Variants in LIFR observed in about 807,000 individuals in gnomAD.
LIFR encodes the protein LIF receptor subunit alpha.
Under a neutral mutation model 122.2 loss-of-function variants are expected in LIFR, and 84 were observed. The observed-to-expected ratio is 0.69, with a 90% CI of 0.58 to 0.82. LIFR has a LOEUF of 0.82. LIFR is among the 40% of genes least tolerant of loss of function. The pLI, the probability that LIFR is intolerant of heterozygous loss-of-function variation, is 0.00. For synonymous variants in LIFR, 422 were observed against 434.7 expected, an observed-to-expected ratio of 0.97 and a Z score of 0.36; for missense variants, 1,294 against 1,311.6, an observed-to-expected ratio of 0.99 and a Z score of 0.21.
intron 12 of LIFR, 68 bp from the exon 13 acceptor site, chr5:38,496,663 G>T: frequency 1.8e-6 from 2 of 1,124,168 alleles, no homozygotes; most frequent in Middle Eastern, 2.6e-4. Context: ...AGGTAATTGG[G>T]TTTAAACTGG....
At chr5:38,557,537 T>C (rs1748652627), upstream of LIFR, 1 of 154,930 alleles carries the variant, frequency 6.5e-6, no homozygotes, top group Non-Finnish European at 1.5e-5. Flanking sequence ...TGGCACGCAG[T>C]CAGGACTCTA....
chr5:38,509,833 G>A (rs1745699754), intron 7 of LIFR, among the ~76,000 whole-genome samples: 1 of 152,176 alleles, frequency 6.6e-6, no homozygotes, highest in Non-Finnish European at 1.5e-5. Flanking sequence ...CAAGCCACAT[G>A]GGCAGGGCAG....
At chr5:38,592,564 C>A (rs144169508) in intron 1 of LIFR, among the ~76,000 whole-genome samples, 1,989 of 147,882 alleles carry the variant, frequency 0.013, 29 homozygotes, top group African/African-American at 0.046. Flanking sequence ...GGCTGAGGCA[C>A]AAGAAATGCT....
intron 5 of LIFR, among the ~76,000 whole-genome samples, chr5:38,517,087 A>G (rs959920941): frequency 2.0e-5 from 3 of 152,160 alleles, no homozygotes; most frequent in Non-Finnish European, 4.4e-5. Context: ...GGATAGCATT[A>G]GGAGAAATAC....
chr5:38,515,308 A>G (rs1352639514), intron 5 of LIFR, among the ~76,000 whole-genome samples: 1 of 152,108 alleles, frequency 6.6e-6, no homozygotes, highest in Non-Finnish European at 1.5e-5. Context: ...TTCTGTGAAT[A>G]AGGTTGGGAA....
At position 38,506,655 on chromosome 5, in the gene LIFR, A is replaced by T. The variant is rs1182766579; in HGVS notation, c.992-23T>A. The T allele has an allele frequency of 3.1e-6, 5 of 1,592,756 alleles. No individual in the cohort carries two copies. The South Asian group carries it at 4.4e-5, about 14-fold the overall frequency. The stretch of plus-strand genomic sequence containing the variant: ...GATCTAACAGAAAAAAAATGCAGGT[A>T]CTTATGATTACATATATTTTCCCTG... On this transcript the variant is annotated intron_variant, in intron 7 of 19. Coordinates refer to ENST00000453190, the MANE Select transcript of LIFR (RefSeq NM_001127671.2).
upstream of LIFR, among the ~76,000 whole-genome samples, chr5:38,596,972 G>A (rs568815944): frequency 2.0e-5 from 3 of 152,200 alleles, no homozygotes; most frequent in Non-Finnish European, 4.4e-5. Context: ...TTCAGAAGGT[G>A]TTATTTTGGG....
exon 1 of LIFR, chr5:38,608,340 A>T (rs1301666035): frequency 6.6e-6 from 1 of 152,204 alleles, no homozygotes; most frequent in Non-Finnish European, 1.5e-5. Context: ...CTTAAAAAAA[A>T]AAGTACACAA....
In LIFR at chr5:38,543,884, G is replaced by C. The variant is rs532676065; in HGVS notation, c.-20+12450C>G. Reference sequence around the variant, plus strand: ...AGATATACGTACAACTTGTCACCTGGAAGTCTCATAGGTGTCTTGAACTAT... The same window carrying C: ...AGATATACGTACAACTTGTCACCTGCAAGTCTCATAGGTGTCTTGAACTAT... On this transcript the variant is annotated intron_variant, in intron 1 of 19. Coordinates refer to ENST00000453190, the MANE Select transcript of LIFR (RefSeq NM_001127671.2). Among the ~76,000 whole-genome samples the C allele has an allele frequency of 9.9e-5, 15 of 152,034 alleles. No homozygotes were observed. In the South Asian group the frequency reaches 3.1e-3, roughly 32 times the overall value.
At chr5:38,496,019 C>A (rs375160934) in intron 13 of LIFR, among the ~76,000 whole-genome samples, 9 of 151,630 alleles carry the variant, frequency 5.9e-5, no homozygotes, top group Admixed American at 2.6e-4. Flanking sequence ...AACAGCCTAG[C>A]TGACCTAAAA....
chr5:38,528,811 T>C lies in LIFR; in HGVS notation c.172A>G (p.Asn58Asp), dbSNP rs1274661204. 15 of 1,580,012 alleles carry C rather than the reference T, an allele frequency of 9.5e-6. No individual in the cohort carries two copies. Among genetic ancestry groups the C allele is most frequent in the Middle Eastern group, 1.7e-4 (1 of 6,028 alleles). Residue 58 changes from asparagine (N) to aspartate (D), a missense_variant, in exon 3 of 20, where the codon AAC (asparagine) becomes GAC (aspartate). Physicochemically the swap from Asn to Asp is conservative, Grantham distance 23. Transcript: ENST00000453190. The stretch of plus-strand genomic sequence containing the variant: ...GAACAGTTCCACACTTGCAAATTGT[T>C]AGTTACACACTTCAAATCATGAGGA... ...GAPHDLKCVTNNLQVWNCSWK... is the reference protein window; with the variant it reads ...GAPHDLKCVTDNLQVWNCSWK...
At chr5:38,594,836 T>C in intron 1 of LIFR, 1 of 193,428 alleles carries the variant, frequency 5.2e-6, no homozygotes, top group East Asian at 8.2e-5. Flanking sequence ...TACCTTCCTC[T>C]AGGTTTCCAC....
rs1433243079 is a variant in LIFR, at chr5:38,505,883, CATT to C, written c.1291+19_1291+21del. ...ACCACTTTTAAAGTTATTTTTAAGA[CATT>C]AGTTTATGTACAGCTTACCTTTTTC... On this transcript the variant is annotated intron_variant, in intron 9 of 19. Coordinates refer to ENST00000453190, the MANE Select transcript of LIFR (RefSeq NM_001127671.2). The C allele has an allele frequency of 7.3e-6, 11 of 1,516,370 alleles. No homozygotes were observed. The highest frequency in any genetic ancestry group is 9.0e-6 in the Non-Finnish European group (10 of 1,107,264). The allele number at this position is 1,516,370 out of a possible 1,614,324, so 93.9% of individuals were successfully genotyped here.
rs1743834978 is a variant in LIFR, at chr5:38,478,658, A to G, written c.*2937T>C. ...CACTCATAAAAGAAATGTAGTCATA[A>G]TAAGCCCCATAATGATCTCCATTCC... is the stretch of plus-strand genomic sequence containing the variant. On this transcript the variant is annotated 3_prime_UTR_variant, in exon 20 of 20. Transcript: ENST00000453190. 1 of 197,690 alleles carries G rather than the reference A, an allele frequency of 5.1e-6. No individual in the cohort carries two copies. Among genetic ancestry groups the G allele is most frequent in the Admixed American group, 6.1e-5 (1 of 16,520 alleles). The allele number at this position is 197,690 out of a possible 1,614,324, so 12.2% of individuals were successfully genotyped here.
chr5:38,602,179 T>C (rs1750234397), intron 2 of LIFR, among the ~76,000 whole-genome samples: 1 of 152,224 alleles, frequency 6.6e-6, no homozygotes, highest in South Asian at 2.1e-4. Context: ...TATACAATTT[T>C]CTTTAGAGTA....
At chr5:38,575,242 TAA>T (rs1047116779) in intron 1 of LIFR, among the ~76,000 whole-genome samples, 2 of 152,152 alleles carry the variant, frequency 1.3e-5, no homozygotes, top group African/African-American at 4.8e-5. Context: ...TTTACAGTAT[TAA>T]AAGTCAGGAA....
Position 38,481,654 on chromosome 5 carries a change from T to C in LIFR, c.3235A>G (p.Lys1079Glu). Residue 1079 changes from lysine (K) to glutamate (E), a missense_variant, in exon 20 of 20, where the codon AAA becomes GAA. Physicochemically the swap from Lys to Glu is moderately conservative, Grantham distance 56 (BLOSUM62 1). Transcript: ENST00000453190. ...AAGGACCACCCTCCTCCATTAGATTTAGGAGAGTCTTCATCTTTAGGAGGA... is the reference window on the plus strand; with the variant it reads ...AAGGACCACCCTCCTCCATTAGATTCAGGAGAGTCTTCATCTTTAGGAGGA... ...LIPPKDEDSP[K>E]SNGGGWSFTN... 6.2e-7 allele frequency: 1 copy of C among 1,613,924 alleles called. No homozygotes were observed. Among genetic ancestry groups the C allele is most frequent in the East Asian group, 2.2e-5 (1 of 44,886 alleles).
chr5:38,509,699 G>A (rs942401724), intron 7 of LIFR, among the ~76,000 whole-genome samples: 4 of 152,096 alleles, frequency 2.6e-5, no homozygotes, highest in Admixed American at 6.6e-5. Context: ...GGGAGGAAGG[G>A]ACTCACTGAT....
intron 1 of LIFR, among the ~76,000 whole-genome samples, chr5:38,533,649 T>C (rs1037711346): frequency 6.6e-6 from 1 of 152,226 alleles, no homozygotes; most frequent in African/African-American, 2.4e-5. Flanking sequence ...ATTTTGTTGC[T>C]TATTTTGTCT....
Sources: allele counts gnomAD v4.1 joint callset (sites outside exome capture counted in the v4.1 genomes callset), GRCh38; gene constraint gnomAD v4.1.1; transcripts MANE v1.5; gene names NCBI Gene and HGNC (gene_info 2026-07-23, HGNC 2026-07-21).